The following RARS1 variants were observed in gnomAD, a reference collection of about 807,000 sequenced individuals.
RARS1 encodes the protein arginine--tRNA ligase, cytoplasmic.
In RARS1, 75 loss-of-function variants were observed where a neutral mutation model predicts 78.7. That is an observed-to-expected ratio of 0.95 (90% CI 0.79 to 1.15). The LOEUF is 1.15. Ranked by LOEUF, RARS1 falls within the 50% of genes most tolerant of loss-of-function variation. The pLI is 0.00. For synonymous variants in RARS1, 273 were observed against 268.2 expected, an observed-to-expected ratio of 1.02 and a Z score of -0.18; for missense variants, 787 against 787.5, an observed-to-expected ratio of 1.00 and a Z score of 0.01.
chr5:168,497,155 T>G (rs1758210538), intron 6 of RARS1, 73 bp from the exon 7 acceptor site: 2 of 1,177,640 alleles, frequency 1.7e-6, no homozygotes. Context: ...CCTAATGGAA[T>G]ATAGTTCCTC....
At chr5:168,515,497 GT>G (rs751578468) in intron 12 of RARS1, among the ~76,000 whole-genome samples, 1 of 152,156 alleles carries the variant, frequency 6.6e-6, no homozygotes, top group Non-Finnish European at 1.5e-5. Flanking sequence ...AGATTTATTT[GT>G]TGTTGGGTGC....
chr5:168,517,058 A>G, intron 13 of RARS1, 108 bp downstream of exon 13: 2 of 1,184,036 alleles, frequency 1.7e-6, no homozygotes, highest in Admixed American at 2.2e-5. Flanking sequence ...TCTTGGGCTC[A>G]AATGATCCTC....
chr5:168,498,966 C>T (rs1391345571), intron 7 of RARS1, among the ~76,000 whole-genome samples: 1 of 150,716 alleles, frequency 6.6e-6, no homozygotes, highest in South Asian at 2.1e-4. Context: ...AGAGTGAGAC[C>T]CTATCTCAAA....
At chr5:168,488,971 G>T (rs1758024560) in intron 2 of RARS1, among the ~76,000 whole-genome samples, 1 of 152,182 alleles carries the variant, frequency 6.6e-6, no homozygotes, top group Non-Finnish European at 1.5e-5. Flanking sequence ...CCTGCTAACT[G>T]TTTGGCTAAC....
rs1582427849 is a variant in RARS1, at chr5:168,492,662, C to T, written c.184C>T (p.Leu62Phe). 2.5e-6 allele frequency: 4 copies of T among 1,589,960 alleles called. No individual in the cohort carries two copies. The highest frequency in any genetic ancestry group is 3.4e-6 in the Non-Finnish European group (4 of 1,159,488). The change falls in exon 3 of 15, where the codon CTT becomes TTT. Residue 62 changes from leucine to phenylalanine, a missense_variant. Leu to Phe is a conservative substitution (Grantham distance 22). Transcript: ENST00000231572. The stretch of plus-strand genomic sequence containing the variant: ...TGTTTCCATTCTTTTCCTACAGAGT[C>T]TTCAGGCAGAAAGGAACAAACCAAC... Reference protein sequence around the residue: ...KYRLNILRKSLQAERNKPTKN... With the variant: ...KYRLNILRKSFQAERNKPTKN...
At chr5:168,502,384 A>ATTTTTTTTTTT (rs759302320) in intron 9 of RARS1, among the ~76,000 whole-genome samples, 1 of 127,248 alleles carries the variant, frequency 7.9e-6, no homozygotes, top group African/African-American at 3.2e-5. Flanking sequence ...ATATATATAT[A>ATTTTTTTTTTT]TTTTTTTTTT....
At chr5:168,508,449 G>A (rs765397326) in intron 11 of RARS1, among the ~76,000 whole-genome samples, 11 of 151,388 alleles carry the variant, frequency 7.3e-5, no homozygotes, top group Non-Finnish European at 5.9e-5. Flanking sequence ...GTGAAACCCC[G>A]TCTCTACTAA....
intron 6 of RARS1, 131 bp from the exon 7 acceptor site, chr5:168,497,097 A>G (rs997098117): frequency 2.0e-5 from 14 of 689,074 alleles, no homozygotes; most frequent in African/African-American, 1.9e-4. Context: ...AACCAAGTAA[A>G]CAGATATTAC....
chr5:168,497,589 G>A (rs893571453), intron 7 of RARS1, among the ~76,000 whole-genome samples: 5 of 152,006 alleles, frequency 3.3e-5, no homozygotes, highest in Admixed American at 6.6e-5. Context: ...CAAGCATGGC[G>A]CTAGCATCTG....
chr5:168,506,575 T>C (rs904426700), intron 10 of RARS1, 147 bp from the exon 11 acceptor site: 1 of 619,914 alleles, frequency 1.6e-6, no homozygotes, highest in African/African-American at 1.9e-5. Flanking sequence ...ATATAGGGAA[T>C]AAAAGAAGAG....
At chr5:168,505,966 C>G in intron 9 of RARS1, 55 bp from the exon 10 acceptor site, 1 of 1,362,362 alleles carries the variant, frequency 7.3e-7, no homozygotes, top group Non-Finnish European at 1.0e-6. Flanking sequence ...AGTAAGCATT[C>G]ATTTTCCTTC....
chr5:168,508,480 C>T (rs1170881438), intron 11 of RARS1, among the ~76,000 whole-genome samples: 2 of 151,566 alleles, frequency 1.3e-5, no homozygotes, highest in East Asian at 1.9e-4. Flanking sequence ...ATTAGTTGGG[C>T]GTGGTGGTGG....
intron 3 of RARS1, 94 bp downstream of exon 3, chr5:168,492,941 C>G: frequency 8.6e-7 from 1 of 1,166,360 alleles, no homozygotes; most frequent in Admixed American, 2.2e-5. Context: ...CAAGTTGTAT[C>G]CTTAGTGAAA....
chr5:168,517,315 G>C (rs934164224), intron 13 of RARS1, among the ~76,000 whole-genome samples: 1 of 152,070 alleles, frequency 6.6e-6, no homozygotes, highest in African/African-American at 2.4e-5. Flanking sequence ...GCTAAATTTT[G>C]TATTTTTAGT....
chr5:168,490,520 A>G (rs1340773556), intron 2 of RARS1, among the ~76,000 whole-genome samples: 2 of 152,154 alleles, frequency 1.3e-5, no homozygotes, highest in East Asian at 3.9e-4. Context: ...CTCTCACTGT[A>G]TTGTGGGAGG....
In RARS1 at chr5:168,500,607, T is replaced by C; in HGVS notation, c.839T>C (p.Phe280Ser). 6.4e-7 allele frequency: 1 copy of C among 1,569,820 alleles called. No homozygotes were observed. The highest frequency in any genetic ancestry group is 8.6e-7 in the Non-Finnish European group (1 of 1,161,654). ...QVFYKESKKR[F>S]DTEEEFKKRA... ...TATATACAGGAATCTAAGAAGAGGT[T>C]TGATACTGAGGAGGAATTTAAGAAG... The change falls in exon 8 of 15, where the codon TTT becomes TCT. Residue 280 changes from phenylalanine (F) to serine (S), a missense_variant. Transcript: ENST00000231572.
chr5:168,516,725 G>A, intron 12 of RARS1, 53 bp from the exon 13 acceptor site: 2 of 1,570,506 alleles, frequency 1.3e-6, no homozygotes, highest in East Asian at 2.2e-5. Context: ...TGAGACACCA[G>A]GGCAGAAGCA....
chr5:168,509,767 TG>T (rs1758530803), intron 11 of RARS1, among the ~76,000 whole-genome samples: 1 of 151,576 alleles, frequency 6.6e-6, no homozygotes, highest in Non-Finnish European at 1.5e-5. Flanking sequence ...ACCAGGAGTT[TG>T]ATAGGAGCCT....
rs1561820515 is a variant in RARS1, at chr5:168,495,397, T to A, written c.662T>A (p.Ile221Lys). The change falls in exon 6 of 15, where the codon ATA becomes AAA. Residue 221 changes from isoleucine (I) to lysine (K), a missense_variant. Transcript: ENST00000231572. ...AGGTCAACTATCATAGGAGAGAGTA[T>A]AAGCCGCCTCTTTGAATTTGCAGGG... ...HLRSTIIGES[I>K]SRLFEFAGYD... 2 of 1,614,026 alleles carry A rather than the reference T, an allele frequency of 1.2e-6. No homozygotes were observed. The highest frequency in any genetic ancestry group is 1.7e-6 in the Non-Finnish European group (2 of 1,179,932).
Sources: gnomAD v4.1 joint callset for allele counts (sites outside exome capture counted in the v4.1 genomes callset) on GRCh38, gnomAD v4.1.1 for gene constraint, MANE v1.5 for transcripts, NCBI Gene and HGNC (gene_info 2026-07-23, HGNC 2026-07-21) for gene names.